The following ARSL variants were observed in gnomAD, a reference collection of about 807,000 sequenced individuals.
ARSL encodes arylsulfatase L.
In ARSL, 4 loss-of-function variants were observed where a neutral mutation model predicts 31.1. That is an observed-to-expected ratio of 0.13 (90% CI 0.06 to 0.29). The LOEUF (loss-of-function observed/expected upper bound fraction) is 0.29, where lower values mean the gene tolerates loss of function less well. Ranked by LOEUF, ARSL falls within the 10% of genes least tolerant of loss-of-function variation. ARSL has a pLI of 1.00. For synonymous variants in ARSL, 198 were observed against 209.9 expected (o/e 0.94, Z 0.49); for missense variants, 312 against 497.8 (o/e 0.63, Z 3.55).
intron 10 of ARSL, among the ~76,000 whole-genome samples, chrX:2,935,707 T>TTTTTA (rs2089191118): frequency 4.8e-5 from 4 of 83,711 alleles, no homozygotes; most frequent in Admixed American, 2.5e-4. Flanking sequence ...TTTTTTTTTT[T>TTTTTA]ATTTGAGACA....
intron 1 of ARSL, among the ~76,000 whole-genome samples, chrX:2,961,445 C>G: frequency 9.0e-6 from 1 of 111,505 alleles, no homozygotes; most frequent in South Asian, 3.8e-4. Context: ...GAGTCATGCC[C>G]TACAAACCAA....
At chrX:2,943,262 A>C in intron 7 of ARSL, 63 bp from the exon 8 acceptor site, 1 of 1,174,293 alleles carries the variant, frequency 8.5e-7, no homozygotes, top group South Asian at 1.8e-5. Flanking sequence ...GCAGCTCTGA[A>C]GTGTATGCTT....
chrX:2,960,348 T>A, intron 2 of ARSL, 30 bp downstream of exon 2: 1 of 819,013 alleles, frequency 1.2e-6, no homozygotes, highest in Non-Finnish European at 1.8e-6. Context: ...GAAAGGAGAC[T>A]ACTAATGAGT....
chrX:2,936,673 G>A, intron 10 of ARSL, 69 bp downstream of exon 10: 1 of 1,184,121 alleles, frequency 8.4e-7, no homozygotes, highest in Non-Finnish European at 1.1e-6. Flanking sequence ...GCCTGTTCTA[G>A]GGCATGGTGC....
chrX:2,952,404 C>T (rs1331803238), intron 5 of ARSL, among the ~76,000 whole-genome samples: 1 of 111,323 alleles, frequency 9.0e-6, no homozygotes, highest in Non-Finnish European at 1.9e-5. Context: ...TGGCCTCAAG[C>T]GATCCACCCA....
chrX:2,944,431 G>A (rs772216461), intron 7 of ARSL, among the ~76,000 whole-genome samples: 2 of 100,368 alleles, frequency 2.0e-5, no homozygotes, highest in South Asian at 4.9e-4. Flanking sequence ...TCCAGCCTGG[G>A]CAACAGAGTG....
Position 2,939,504 on chromosome X carries a change from A to G in ARSL, c.1127-1247T>C, listed in dbSNP as rs772513388. On this transcript the variant is annotated intron_variant, in intron 8 of 10. Transcript: ENST00000381134. ...AACGTCAATGGCAATGAGATAAAGAAGGTTTCTGAGGAGTCAGGCCTTCAA... is the reference window on the plus strand; with the variant it reads ...AACGTCAATGGCAATGAGATAAAGAGGGTTTCTGAGGAGTCAGGCCTTCAA... Among the ~76,000 whole-genome samples, 3 of 112,255 alleles carry G rather than the reference A, an allele frequency of 2.7e-5. No individual in the cohort carries two copies. The South Asian group carries it at 1.1e-3, about 42-fold the overall frequency.
Position 2,938,194 on chromosome X carries a change from C to G in ARSL, c.1190G>C (p.Gly397Ala). 1.6e-6 allele frequency: 2 copies of G among 1,212,200 alleles called. No individual in the cohort carries two copies. Among genetic ancestry groups the G allele is most frequent in the South Asian group, 3.5e-5 (2 of 57,044 alleles). ...IRVPGIFRWP[G>A]VLPAGRVIGE... ...AATCACTCGGCCGGCCGGGAGCACCCCGGGCCAGCGGAAGATCCCGGGCAC... is the reference window on the plus strand; with the variant it reads ...AATCACTCGGCCGGCCGGGAGCACCGCGGGCCAGCGGAAGATCCCGGGCAC... The change falls in exon 9 of 11, where the codon GGG becomes GCG. Residue 397 changes from glycine (G) to alanine (A), a missense_variant. Coordinates refer to ENST00000381134, the MANE Select transcript of ARSL (RefSeq NM_000047.3).
intron 3 of ARSL, among the ~76,000 whole-genome samples, chrX:2,957,137 C>T (rs1376590824): frequency 8.4e-5 from 9 of 107,546 alleles, no homozygotes; most frequent in Non-Finnish European, 1.3e-4. Flanking sequence ...AGGAGAATGG[C>T]GTGGACCCGG....
intron 1 of ARSL, among the ~76,000 whole-genome samples, chrX:2,963,533 C>CTTTTTTTTTT (rs769134287): frequency 6.7e-5 from 4 of 59,803 alleles, no homozygotes; most frequent in African/African-American, 1.5e-4. Context: ...TTTTCTTTTC[C>CTTTTTTTTTT]TTTTTTTTTT....
At chrX:2,967,743 C>T (rs1361718258), upstream of ARSL, among the ~76,000 whole-genome samples, 1 of 112,324 alleles carries the variant, frequency 8.9e-6, no homozygotes, top group Non-Finnish European at 1.9e-5. Flanking sequence ...CCTCCTTTCC[C>T]GCCCTGAGCT....
chrX:2,944,453 CA>C (rs1164134651), intron 7 of ARSL, among the ~76,000 whole-genome samples: 1,949 of 50,220 alleles, frequency 0.039, 36 homozygotes, highest in African/African-American at 0.1. Context: ...GACTCGGTCT[CA>C]AAAAAAAAAC....
intron 2 of ARSL, chrX:2,960,036 G>A (rs1296999529): frequency 3.9e-5 from 8 of 204,466 alleles, no homozygotes; most frequent in East Asian, 2.6e-4. Context: ...TTGGGAGGCC[G>A]AGGCGGGCGG....
At chrX:2,959,943 GAA>G (rs2089583680) in intron 2 of ARSL, 2 of 173,573 alleles carry the variant, frequency 1.2e-5, no homozygotes, top group Non-Finnish European at 1.9e-5. Flanking sequence ...AAGAGAGAGA[GAA>G]AGAAAGAAAG....
chrX:2,967,028 TTATG>T (rs1354369863), upstream of ARSL, among the ~76,000 whole-genome samples: 5 of 111,388 alleles, frequency 4.5e-5, no homozygotes, highest in Non-Finnish European at 9.4e-5. Flanking sequence ...GTAAAAATGT[TTATG>T]TGTGTATGTA....
At chrX:2,960,951 G>A (rs2089622523) in intron 1 of ARSL, among the ~76,000 whole-genome samples, 2 of 111,167 alleles carry the variant, frequency 1.8e-5, no homozygotes, top group South Asian at 3.8e-4. Flanking sequence ...GCGCGTGGTG[G>A]CTCATGCCTG....
rs928169125 is a variant in ARSL, at chrX:2,934,768, T to A, written c.*64A>T. 3.7e-6 allele frequency: 4 copies of A among 1,067,710 alleles called. No homozygotes were observed. In the African/African-American group the frequency reaches 7.3e-5, roughly 20 times the overall value. 88.0% of individuals were successfully genotyped at this position (1,067,710 alleles called of 1,213,427 possible). A position where few individuals can be genotyped will look rare whatever the true frequency, so the allele number is the denominator to read the frequency against. Reference sequence around the variant, plus strand: ...TGGGATGACAACCACCATGGCCAGCTGGTTTGTTTCAATTTGAGTGACAAA... The same window carrying A: ...TGGGATGACAACCACCATGGCCAGCAGGTTTGTTTCAATTTGAGTGACAAA... On this transcript the variant is annotated 3_prime_UTR_variant, in exon 11 of 11. Transcript: ENST00000381134.
At chrX:2,948,402 C>A (rs1401878068) in intron 6 of ARSL, among the ~76,000 whole-genome samples, 3 of 111,479 alleles carry the variant, frequency 2.7e-5, no homozygotes, top group African/African-American at 9.8e-5. Flanking sequence ...GATTATAAAG[C>A]CCTTCAGGTG....
At chrX:2,939,843 G>C (rs1019423714) in intron 8 of ARSL, among the ~76,000 whole-genome samples, 4 of 103,668 alleles carry the variant, frequency 3.9e-5, no homozygotes, top group Non-Finnish European at 5.9e-5. Context: ...AATGTGGCCA[G>C]CTAGGTGTCT....
Sources: gnomAD v4.1 joint callset for allele counts (sites outside exome capture counted in the v4.1 genomes callset) on GRCh38, gnomAD v4.1.1 for gene constraint, MANE v1.5 for transcripts, NCBI Gene and HGNC (gene_info 2026-07-23, HGNC 2026-07-21) for gene names.